The following NDUFS4 variants were observed in gnomAD, a reference collection of about 807,000 sequenced individuals.
NDUFS4 encodes NADH dehydrogenase [ubiquinone] iron-sulfur protein 4, mitochondrial.
Under a neutral mutation model 24.3 loss-of-function variants are expected in NDUFS4, and 28 were observed. The observed-to-expected ratio is 1.15, with a 90% CI of 0.85 to 1.58. The LOEUF is 1.58. Ranked by LOEUF, NDUFS4 falls within the 40% of genes most tolerant of loss-of-function variation. The pLI, the probability that NDUFS4 is intolerant of heterozygous loss-of-function variation, is 0.00. For missense variants in NDUFS4, 223 were observed against 207.9 expected (o/e 1.07, Z -0.45); for synonymous variants, 93 against 69.7 (o/e 1.34, Z -1.67).
chr5:53,604,681 T>G (rs1008732871), intron 2 of NDUFS4: 1 of 451,228 alleles, frequency 2.2e-6, no homozygotes, highest in Non-Finnish European at 4.5e-6. Context: ...CCTAACATGG[T>G]CTTTGACGTC....
At chr5:53,609,847 T>G (rs1750643650) in intron 2 of NDUFS4, among the ~76,000 whole-genome samples, 1 of 152,186 alleles carries the variant, frequency 6.6e-6, no homozygotes, top group Admixed American at 6.5e-5. Flanking sequence ...TCTGCTTTCC[T>G]CCCCTCTCAG....
chr5:53,681,391 G>T (rs2637029), intron 4 of NDUFS4, among the ~76,000 whole-genome samples: 31,010 of 151,944 alleles, frequency 0.2, 3,689 homozygotes, highest in East Asian at 0.46. Flanking sequence ...TTAAGTCAGG[G>T]TGCTTTCTAA....
intron 2 of NDUFS4, among the ~76,000 whole-genome samples, chr5:53,613,465 TATA>T (rs758098538): frequency 6.6e-6 from 1 of 152,012 alleles, no homozygotes; most frequent in Non-Finnish European, 1.5e-5. Flanking sequence ...ACTAAATATG[TATA>T]ATGTTTCTTC....
chr5:53,591,147 A>G (rs1749943572), intron 1 of NDUFS4, among the ~76,000 whole-genome samples: 1 of 152,162 alleles, frequency 6.6e-6, no homozygotes, highest in Admixed American at 6.5e-5. Flanking sequence ...AATTGTATGT[A>G]TATACCACAT....
intron 1 of NDUFS4, among the ~76,000 whole-genome samples, chr5:53,591,464 G>GGGGGT (rs1749955985): frequency 7.8e-6 from 1 of 128,936 alleles, no homozygotes; most frequent in South Asian, 2.8e-4. Context: ...TTTTTTTTGG[G>GGGGGT]GGGGGGGGGT....
chr5:53,567,608 G>A (rs906768362), intron 1 of NDUFS4, among the ~76,000 whole-genome samples: 2 of 151,832 alleles, frequency 1.3e-5, no homozygotes, highest in Non-Finnish European at 2.9e-5. Context: ...TAGGAAAAAC[G>A]GTTGTATTGT....
intron 1 of NDUFS4, among the ~76,000 whole-genome samples, chr5:53,564,418 A>G (rs1748954194): frequency 6.6e-6 from 1 of 152,188 alleles, no homozygotes; most frequent in South Asian, 2.1e-4. Context: ...AAAGTTTGAG[A>G]GCTTGAAAGA....
chr5:53,650,659 G>A (rs999271564), intron 3 of NDUFS4, among the ~76,000 whole-genome samples: 1 of 152,330 alleles, frequency 6.6e-6, no homozygotes, highest in Middle Eastern at 3.4e-3. Flanking sequence ...GACTTCAGAA[G>A]GTCAGATAAT....
At chr5:53,681,807 TA>T (rs1740674743) in intron 4 of NDUFS4, among the ~76,000 whole-genome samples, 1 of 152,092 alleles carries the variant, frequency 6.6e-6, no homozygotes, top group African/African-American at 2.4e-5. Flanking sequence ...AAGTTTAAAT[TA>T]AAATACGCTG....
intron 1 of NDUFS4, among the ~76,000 whole-genome samples, chr5:53,586,678 A>G (rs1257061332): frequency 6.6e-6 from 1 of 152,030 alleles, no homozygotes; most frequent in Non-Finnish European, 1.5e-5. Flanking sequence ...GTCCACCACC[A>G]TGCCTGGCTA....
intron 4 of NDUFS4, among the ~76,000 whole-genome samples, chr5:53,681,159 A>G (rs1740651961): frequency 1.3e-5 from 2 of 152,134 alleles, no homozygotes; most frequent in Non-Finnish European, 1.5e-5. Context: ...AGTGCCTACT[A>G]TAAACCACAA....
At chr5:53,623,128 G>A (rs1388060550) in intron 2 of NDUFS4, among the ~76,000 whole-genome samples, 3 of 152,196 alleles carry the variant, frequency 2.0e-5, no homozygotes, top group Non-Finnish European at 4.4e-5. Context: ...TTTTTAGGAA[G>A]ATGCCCCAAA....
At chr5:53,621,690 A>ATTTTTTTTTTTT (rs58169759) in intron 2 of NDUFS4, among the ~76,000 whole-genome samples, 13 of 81,562 alleles carry the variant, frequency 1.6e-4, no homozygotes, top group African/African-American at 6.6e-4. Context: ...CTCATAGTAA[A>ATTTTTTTTTTTT]TTTTTTTTTT....
At chr5:53,648,583 G>A (rs1751927754) in intron 3 of NDUFS4, among the ~76,000 whole-genome samples, 1 of 152,194 alleles carries the variant, frequency 6.6e-6, no homozygotes, top group African/African-American at 2.4e-5. Flanking sequence ...GCCTGCATCT[G>A]TAAGAATGGT....
intron 1 of NDUFS4, among the ~76,000 whole-genome samples, chr5:53,597,283 CAG>C (rs1750160835): frequency 6.6e-6 from 1 of 152,122 alleles, no homozygotes; most frequent in Non-Finnish European, 1.5e-5. Context: ...GGAGTGAAAA[CAG>C]ATAGTTTCTT....
At chr5:53,642,641 T>C (rs1414511315) in intron 2 of NDUFS4, among the ~76,000 whole-genome samples, 1 of 152,052 alleles carries the variant, frequency 6.6e-6, no homozygotes, top group Non-Finnish European at 1.5e-5. Flanking sequence ...AGAAGATAAA[T>C]GGAGACAGTT....
At chr5:53,666,058 T>G (rs1251777362) in intron 4 of NDUFS4, among the ~76,000 whole-genome samples, 1 of 152,240 alleles carries the variant, frequency 6.6e-6, no homozygotes, top group African/African-American at 2.4e-5. Flanking sequence ...AAGTTCCAAA[T>G]TTCTTAATTA....
intron 2 of NDUFS4, among the ~76,000 whole-genome samples, chr5:53,634,107 C>G (rs1751482447): frequency 6.6e-6 from 1 of 152,210 alleles, no homozygotes; most frequent in Admixed American, 6.5e-5. Context: ...GTTCAGGCAA[C>G]TGAGCTAGGA....
intron 4 of NDUFS4, among the ~76,000 whole-genome samples, chr5:53,665,246 G>C (rs1340906416): frequency 6.6e-6 from 1 of 152,204 alleles, no homozygotes. Flanking sequence ...CTACTGGGGG[G>C]TGCCTCCCAG....
Sources: gnomAD v4.1 joint callset for allele counts (sites outside exome capture counted in the v4.1 genomes callset) on GRCh38, gnomAD v4.1.1 for gene constraint, MANE v1.5 for transcripts, NCBI Gene and HGNC (gene_info 2026-07-23, HGNC 2026-07-21) for gene names.